NRG1: variants seen among roughly 807,000 people sequenced by gnomAD.
NRG1 encodes neuregulin 1, also known as pro-neuregulin-1, membrane-bound isoform.
A neutral mutation model predicts 63.8 loss-of-function variants in NRG1; 18 were observed. The ratio of observed to expected loss-of-function variants is 0.28; its 90% CI spans 0.19 to 0.42. NRG1 has a LOEUF of 0.42. Ranked by LOEUF, NRG1 falls within the 10% of genes least tolerant of loss-of-function variation. The probability of loss-of-function intolerance (pLI) is 1.00; values close to 1 mark genes in which losing one functional copy is unlikely to be tolerated. For missense variants in NRG1, 762 were observed against 814.7 expected, an observed-to-expected ratio of 0.94 and a Z score of 0.79; for synonymous variants, 302 against 301.3, an observed-to-expected ratio of 1.00 and a Z score of -0.02.
intron 1 of NRG1, among the ~76,000 whole-genome samples, chr8:32,400,822 G>A (rs912564256): frequency 1.3e-5 from 2 of 152,166 alleles, no homozygotes; most frequent in South Asian, 4.1e-4. Context: ...GTTCTATCAT[G>A]AAGACACCTG....
chr8:32,578,660 G>T (rs533790814), intron 1 of NRG1, among the ~76,000 whole-genome samples: 53 of 152,088 alleles, frequency 3.5e-4, no homozygotes, highest in African/African-American at 1.2e-3. Context: ...GTTCTTAATT[G>T]TGATGTCTCT....
At chr8:31,888,236 A>T (rs1283169519) in intron 1 of NRG1, among the ~76,000 whole-genome samples, 1 of 152,060 alleles carries the variant, frequency 6.6e-6, no homozygotes, top group Admixed American at 6.6e-5. Context: ...AGTAGCTTTC[A>T]GATACTGTTC....
chr8:32,266,568 T>A (rs1850959853), intron 1 of NRG1, among the ~76,000 whole-genome samples: 1 of 152,062 alleles, frequency 6.6e-6, no homozygotes. Flanking sequence ...CCAGGGCAGA[T>A]AAAATTAGCA....
intron 2 of NRG1, among the ~76,000 whole-genome samples, chr8:32,604,300 A>T (rs1844884165): frequency 6.6e-6 from 1 of 152,184 alleles, no homozygotes; most frequent in Non-Finnish European, 1.5e-5. Context: ...GGGGGTCTAC[A>T]TGTGGAACTT....
At chr8:32,327,300 A>G (rs1276666631) in intron 1 of NRG1, among the ~76,000 whole-genome samples, 1 of 152,242 alleles carries the variant, frequency 6.6e-6, no homozygotes, top group Admixed American at 6.5e-5. Flanking sequence ...TGCTGTCGTG[A>G]CAGGGTGTAG....
At chr8:32,592,887 A>T (rs962490119) in intron 1 of NRG1, among the ~76,000 whole-genome samples, 4 of 152,218 alleles carry the variant, frequency 2.6e-5, no homozygotes, top group African/African-American at 9.6e-5. Context: ...CTAACTACTA[A>T]TAGCAGCCTA....
At chr8:32,103,387 G>A (rs1044589107) in intron 1 of NRG1, among the ~76,000 whole-genome samples, 1 of 152,154 alleles carries the variant, frequency 6.6e-6, no homozygotes, top group Non-Finnish European at 1.5e-5. Context: ...TGAATAAATA[G>A]TACTCCATTG....
intron 1 of NRG1, among the ~76,000 whole-genome samples, chr8:31,948,495 C>T (rs2881387): frequency 6.6e-6 from 1 of 152,164 alleles, no homozygotes; most frequent in Non-Finnish European, 1.5e-5. Context: ...CAGGCATTTT[C>T]TCTCCTGCCA....
intron 7 of NRG1, among the ~76,000 whole-genome samples, chr8:32,752,494 T>C (rs932924927): frequency 3.9e-5 from 6 of 152,126 alleles, no homozygotes; most frequent in African/African-American, 1.4e-4. Flanking sequence ...CGCTTTCTAA[T>C]TGTGGCTTCC....
At chr8:32,363,896 A>G (rs1714420) in intron 1 of NRG1, among the ~76,000 whole-genome samples, 23,053 of 151,860 alleles carry the variant, frequency 0.15, 2,529 homozygotes, top group East Asian at 0.56. Flanking sequence ...GGGGTTGTGG[A>G]ACTTTTCTAT....
chr8:32,010,662 C>T (rs1814604371), intron 1 of NRG1, among the ~76,000 whole-genome samples: 1 of 152,020 alleles, frequency 6.6e-6, no homozygotes, highest in Admixed American at 6.6e-5. Context: ...TTATCTTCTT[C>T]ATTTTAATTA....
At chr8:31,881,575 A>C (rs1563521534) in intron 1 of NRG1, among the ~76,000 whole-genome samples, 2 of 152,222 alleles carry the variant, frequency 1.3e-5, no homozygotes. Flanking sequence ...GAAAGGATTG[A>C]GCTTAATAAA....
At chr8:32,483,260 A>G (rs759814778) in intron 1 of NRG1, among the ~76,000 whole-genome samples, 2 of 152,226 alleles carry the variant, frequency 1.3e-5, no homozygotes, top group Non-Finnish European at 2.9e-5. Flanking sequence ...CTGGCTAGAG[A>G]GGACTTCTCT....
At chr8:31,824,566 T>A (rs1047357621) in intron 1 of NRG1, among the ~76,000 whole-genome samples, 6 of 152,252 alleles carry the variant, frequency 3.9e-5, no homozygotes, top group African/African-American at 1.4e-4. Context: ...CTGAGATCAA[T>A]AAATCTTAGC....
At chr8:32,046,743 G>A (rs1327480160) in intron 1 of NRG1, among the ~76,000 whole-genome samples, 2 of 152,074 alleles carry the variant, frequency 1.3e-5, no homozygotes, top group African/African-American at 2.4e-5. Context: ...ATGGTGGAAC[G>A]AAATCAGTGA....
intron 1 of NRG1, among the ~76,000 whole-genome samples, chr8:32,354,948 T>C (rs2129480155): frequency 6.6e-6 from 1 of 151,904 alleles, no homozygotes; most frequent in African/African-American, 2.4e-5. Flanking sequence ...AAATTTCTAC[T>C]TCATACTATC....
At chr8:31,857,848 A>G (rs1828071432) in intron 1 of NRG1, among the ~76,000 whole-genome samples, 1 of 152,186 alleles carries the variant, frequency 6.6e-6, no homozygotes, top group Non-Finnish European at 1.5e-5. Flanking sequence ...AACATCAACA[A>G]CAAATTTGGC....
At chr8:32,410,776 A>G (rs1814809859) in intron 1 of NRG1, among the ~76,000 whole-genome samples, 1 of 152,052 alleles carries the variant, frequency 6.6e-6, no homozygotes, top group African/African-American at 2.4e-5. Context: ...GCCTTCTGCA[A>G]GGCACTTATT....
chr8:32,472,475 C>T (rs1310058338), intron 1 of NRG1, among the ~76,000 whole-genome samples: 1 of 152,176 alleles, frequency 6.6e-6, no homozygotes, highest in Non-Finnish European at 1.5e-5. Context: ...CGGCCCTTGG[C>T]CTTTATTCTT....
Sources: allele counts gnomAD v4.1 joint callset (sites outside exome capture counted in the v4.1 genomes callset), GRCh38; gene constraint gnomAD v4.1.1; transcripts MANE v1.5; gene names NCBI Gene and HGNC (gene_info 2026-07-23, HGNC 2026-07-21).